PAG1: variants seen among roughly 807,000 people sequenced by gnomAD.
PAG1 encodes the protein phosphoprotein associated with glycosphingolipid-enriched microdomains 1.
In PAG1, 23 loss-of-function variants were observed where a neutral mutation model predicts 31.7. The ratio of observed to expected loss-of-function variants is 0.73; its 90% CI spans 0.52 to 1.03. The LOEUF (loss-of-function observed/expected upper bound fraction) is 1.03, where lower values mean the gene tolerates loss of function less well. Among genes scored for constraint, PAG1 ranks in the 50% least tolerant of loss-of-function variants. The probability of loss-of-function intolerance (pLI) is 0.00; values close to 1 mark genes in which losing one functional copy is unlikely to be tolerated. For missense variants in PAG1, 473 were observed against 540.7 expected (o/e 0.87, Z 1.24); for synonymous variants, 214 against 210.3 (o/e 1.02, Z -0.15).
At chr8:81,037,548 C>T (rs1586180435) in intron 2 of PAG1, among the ~76,000 whole-genome samples, 3 of 152,124 alleles carry the variant, frequency 2.0e-5, no homozygotes, top group Non-Finnish European at 4.4e-5. Flanking sequence ...ATGTGCAGCA[C>T]GATGTGTTTA....
At chr8:81,047,243 C>A (rs149467121) in intron 2 of PAG1, among the ~76,000 whole-genome samples, 86 of 152,240 alleles carry the variant, frequency 5.6e-4, no homozygotes, top group African/African-American at 1.9e-3. Flanking sequence ...TGTATTTCTG[C>A]CTCTAGGTCT....
At chr8:81,010,801 A>G (rs1251260737) in intron 3 of PAG1, among the ~76,000 whole-genome samples, 15 of 152,264 alleles carry the variant, frequency 9.9e-5, no homozygotes, top group Admixed American at 9.8e-4. Context: ...TTCCAGCCTC[A>G]GCTGGTTCCT....
At chr8:81,055,501 C>T (rs998542148) in intron 2 of PAG1, among the ~76,000 whole-genome samples, 2 of 151,906 alleles carry the variant, frequency 1.3e-5, no homozygotes, top group Non-Finnish European at 2.9e-5. Flanking sequence ...AAGAAAGTCA[C>T]TGGTAGCTTG....
chr8:80,982,983 C>A (rs1807339423), intron 7 of PAG1, among the ~76,000 whole-genome samples: 1 of 152,178 alleles, frequency 6.6e-6, no homozygotes, highest in Non-Finnish European at 1.5e-5. Context: ...CAGAGGGATC[C>A]TTTGAAAACA....
chr8:81,057,882 A>G (rs1302045009), intron 2 of PAG1, among the ~76,000 whole-genome samples: 1 of 152,150 alleles, frequency 6.6e-6, no homozygotes, highest in Non-Finnish European at 1.5e-5. Context: ...TTTCCACCAT[A>G]TATATAAATC....
In PAG1 at chr8:81,005,566, G is replaced by A. The variant is rs541569964; in HGVS notation, c.-80-12259C>T. 7.9e-5 allele frequency among the ~76,000 whole-genome samples: 12 copies of A among 152,266 alleles called. No individual in the cohort carries two copies. The South Asian group carries it at 1.7e-3, about 21-fold the overall frequency. On this transcript the variant is annotated intron_variant, in intron 3 of 8. Coordinates refer to ENST00000220597, the MANE Select transcript of PAG1 (RefSeq NM_018440.4). ...GGAGAGCCAAAAAGACCTTGGACCC[G>A]ATACAAAAGGCAATATGGAGAAAAC...
chr8:81,057,271 G>A (rs1015064743), intron 2 of PAG1, among the ~76,000 whole-genome samples: 17 of 152,072 alleles, frequency 1.1e-4, no homozygotes, highest in Admixed American at 3.3e-4. Flanking sequence ...ACATGCACAC[G>A]TATGTTCATT....
chr8:81,096,287 C>G (rs1241043272), intron 1 of PAG1, among the ~76,000 whole-genome samples: 1 of 151,458 alleles, frequency 6.6e-6, no homozygotes, highest in African/African-American at 2.4e-5. Context: ...TTGCGTATGG[C>G]CCTCTGGAAA....
rs1491082255 is a variant in PAG1 at position 80,974,174 on chromosome 8, T to TTA, written c.*2369_*2370insTA. On this transcript the variant is annotated 3_prime_UTR_variant, in exon 9 of 9. Transcript: ENST00000220597. ...AAAGTTTTTTTTTTTTTTTTTTTTT[T>TTA]ACTTTAGAGATCATACCTACTTTCC... 2.4e-4 allele frequency: 33 copies of TTA among 138,268 alleles called. No individual in the cohort carries two copies. Among genetic ancestry groups the TTA allele is most frequent in the African/African-American group, 9.4e-4 (33 of 35,158 alleles). 8.6% of individuals were successfully genotyped at this position (138,268 alleles called of 1,614,324 possible).
chr8:81,037,279 TAC>T (rs1808476790), intron 2 of PAG1: 3 of 152,208 alleles, frequency 2.0e-5, no homozygotes, highest in African/African-American at 7.2e-5. Context: ...GTAAGACAGA[TAC>T]AGTTATAATA....
chr8:81,057,296 A>G (rs1808840433), intron 2 of PAG1, among the ~76,000 whole-genome samples: 1 of 152,170 alleles, frequency 6.6e-6, no homozygotes, highest in Admixed American at 6.5e-5. Context: ...CACTATTCGC[A>G]CTAGCAAAGA....
At chr8:80,993,775 T>A (rs1027662947) in intron 3 of PAG1, among the ~76,000 whole-genome samples, 10 of 151,676 alleles carry the variant, frequency 6.6e-5, no homozygotes, top group South Asian at 6.2e-4. Flanking sequence ...CTGGCTAATA[T>A]TTTTATTTTT....
chr8:81,093,582 C>T (rs1030800671), intron 1 of PAG1, among the ~76,000 whole-genome samples: 2 of 152,126 alleles, frequency 1.3e-5, no homozygotes, highest in African/African-American at 4.8e-5. Flanking sequence ...GGGGTAGACA[C>T]GTTGCCTTTA....
At chr8:81,001,579 G>A (rs76777667) in intron 3 of PAG1, among the ~76,000 whole-genome samples, 2 of 152,180 alleles carry the variant, frequency 1.3e-5, no homozygotes, top group African/African-American at 4.8e-5. Flanking sequence ...CCCCCAAGAG[G>A]CTCGCTACAT....
chr8:81,015,115 A>T (rs1808051424), intron 3 of PAG1, among the ~76,000 whole-genome samples: 1 of 152,194 alleles, frequency 6.6e-6, no homozygotes, highest in African/African-American at 2.4e-5. Flanking sequence ...AGTTCACATC[A>T]CTGATTAGAG....
intron 1 of PAG1, among the ~76,000 whole-genome samples, chr8:81,106,598 G>T (rs1809696870): frequency 6.6e-6 from 1 of 152,172 alleles, no homozygotes; most frequent in African/African-American, 2.4e-5. Flanking sequence ...AGATCAACAG[G>T]ATATGCCAAA....
chr8:81,096,404 T>C (rs1809528774), intron 1 of PAG1, among the ~76,000 whole-genome samples: 1 of 152,144 alleles, frequency 6.6e-6, no homozygotes, highest in Non-Finnish European at 1.5e-5. Context: ...CTGGACTTGA[T>C]AATATATAAA....
At chr8:81,024,240 G>A (rs751277934) in intron 3 of PAG1, among the ~76,000 whole-genome samples, 27 of 152,254 alleles carry the variant, frequency 1.8e-4, no homozygotes, top group East Asian at 1.5e-3. Context: ...GCTTTGCATC[G>A]CTGTGATTTT....
intron 2 of PAG1, among the ~76,000 whole-genome samples, chr8:81,053,088 AT>A (rs1808759265): frequency 1.3e-5 from 2 of 152,240 alleles, no homozygotes; most frequent in African/African-American, 4.8e-5. Context: ...AGTTAATAAT[AT>A]CATAAGCTTT....
Sources: gnomAD v4.1 joint callset for allele counts (sites outside exome capture counted in the v4.1 genomes callset) on GRCh38, gnomAD v4.1.1 for gene constraint, MANE v1.5 for transcripts, NCBI Gene and HGNC (gene_info 2026-07-23, HGNC 2026-07-21) for gene names.